NTAN1: variants seen among roughly 807,000 people sequenced by gnomAD.
NTAN1 encodes protein N-terminal asparagine amidohydrolase.
A neutral mutation model predicts 41.9 loss-of-function variants in NTAN1; 32 were observed. The ratio of observed to expected loss-of-function variants is 0.76; its 90% CI spans 0.58 to 1.03. The LOEUF (loss-of-function observed/expected upper bound fraction) is 1.03, where lower values mean the gene tolerates loss of function less well. Among genes scored for constraint, NTAN1 ranks in the 50% least tolerant of loss-of-function variants. The pLI is 0.00. For synonymous variants in NTAN1, 140 were observed against 139.5 expected, an observed-to-expected ratio of 1.00 and a Z score of -0.03; for missense variants, 377 against 377.5, an observed-to-expected ratio of 1.00 and a Z score of 0.01.
chr16:15,039,853 G>C, intron 8 of NTAN1, 116 bp downstream of exon 8: 1 of 678,186 alleles, frequency 1.5e-6, no homozygotes, highest in South Asian at 1.7e-5. Context: ...CCCTGATAAT[G>C]TACGGCTATA....
At chr16:15,041,285 CAG>C (rs2043803742) in intron 6 of NTAN1, among the ~76,000 whole-genome samples, 164 bp from the exon 7 acceptor site, 1 of 152,098 alleles carries the variant, frequency 6.6e-6, no homozygotes, top group South Asian at 2.1e-4. Context: ...TGTCCCAAGG[CAG>C]GGGGGTTTAT....
At chr16:15,039,552 TAATTA>T (rs778881445) in intron 8 of NTAN1, among the ~76,000 whole-genome samples, 6 of 152,218 alleles carry the variant, frequency 3.9e-5, no homozygotes, top group South Asian at 2.1e-4. Flanking sequence ...TATTTTGGGT[TAATTA>T]AATTGTTCCA....
intron 6 of NTAN1, among the ~76,000 whole-genome samples, 162 bp from the exon 7 acceptor site, chr16:15,041,283 G>A (rs964248546): frequency 6.6e-6 from 1 of 152,116 alleles, no homozygotes; most frequent in Non-Finnish European, 1.5e-5. Context: ...CCTGTCCCAA[G>A]GCAGGGGGGT....
intron 9 of NTAN1, 52 bp downstream of exon 9, chr16:15,038,522 G>GAAAA (rs2043651454): frequency 2.0e-6 from 2 of 1,022,078 alleles, no homozygotes; most frequent in Non-Finnish European, 3.0e-6. Context: ...TCTTACAGAT[G>GAAAA]GGGAAACCAG....
rs1213487076 is a variant in NTAN1, at chr16:15,055,992, C to A, written c.-21G>T. Reference sequence around the variant, plus strand: ...GGCATCGCGGAGGCGGCCGCCCAGGCAGGCCCAGGGAGGCGGCGGCCCCCC... The same window carrying A: ...GGCATCGCGGAGGCGGCCGCCCAGGAAGGCCCAGGGAGGCGGCGGCCCCCC... On this transcript the variant is annotated 5_prime_UTR_variant, in exon 1 of 10. Transcript: ENST00000287706. The A allele has an allele frequency of 1.1e-5, 13 of 1,203,094 alleles. No individual in the cohort carries two copies. Among genetic ancestry groups the A allele is most frequent in the East Asian group, 1.0e-4 (3 of 29,764 alleles). The allele number at this position is 1,203,094 out of a possible 1,614,324, so 74.5% of individuals were successfully genotyped here.
chr16:15,043,531 G>A (rs2043918543), intron 5 of NTAN1, among the ~76,000 whole-genome samples: 1 of 152,222 alleles, frequency 6.6e-6, no homozygotes, highest in African/African-American at 2.4e-5. Flanking sequence ...GGCAGAGTGA[G>A]GCCTTCAGTC....
chr16:15,046,562 C>A (rs1480373947), intron 4 of NTAN1, among the ~76,000 whole-genome samples: 6 of 152,092 alleles, frequency 3.9e-5, no homozygotes, highest in African/African-American at 1.4e-4. Context: ...AGGCTAGAGG[C>A]CGCTTCTTAT....
At position 15,038,219 on chromosome 16, in the gene NTAN1, AC is replaced by A; in HGVS notation, c.754-10del. 1 of 1,610,658 alleles carries A rather than the reference AC, an allele frequency of 6.2e-7. No individual in the cohort carries two copies. Among genetic ancestry groups the A allele is most frequent in the Non-Finnish European group, 8.5e-7 (1 of 1,178,008 alleles). On this transcript the variant is annotated splice_polypyrimidine_tract_variant and intron_variant, in intron 9 of 9. Coordinates refer to ENST00000287706, the MANE Select transcript of NTAN1 (RefSeq NM_173474.4). ...GGCGAAGTGGAAAGATTCTGAAAAC[AC>A]AAGATGGTGGGCATTAGAGAAGCCA...
At chr16:15,042,947 C>T (rs1323027409) in intron 5 of NTAN1, among the ~76,000 whole-genome samples, 2 of 145,898 alleles carry the variant, frequency 1.4e-5, no homozygotes, top group South Asian at 2.1e-4. Context: ...GATGCCCATG[C>T]TGGAGTGCAA....
intron 8 of NTAN1, among the ~76,000 whole-genome samples, chr16:15,039,193 T>G (rs1303790268): frequency 1.3e-5 from 2 of 152,222 alleles, no homozygotes; most frequent in Non-Finnish European, 2.9e-5. Context: ...CAGCCTCAGC[T>G]TACCTAGCAA....
Position 15,038,153 on chromosome 16 carries a change from TAGATCTAATATGTTCAACAAA to T in NTAN1, c.790_810del (p.Phe264_Ser270del). On this transcript the variant is annotated inframe_deletion, in exon 10 of 10. Coordinates refer to ENST00000287706, the MANE Select transcript of NTAN1 (RefSeq NM_173474.4). The stretch of plus-strand genomic sequence containing the variant: ...GGGTGTTTTTTTAAAAACATCAAGG[TAGATCTAATATGTTCAACAAA>T]GTGGGGTGGCTCAGCCAGAGGCGAA... 1 of 1,613,150 alleles carries T rather than the reference TAGATCTAATATGTTCAACAAA, an allele frequency of 6.2e-7. No homozygotes were observed. Among genetic ancestry groups the T allele is most frequent in the Non-Finnish European group, 8.5e-7 (1 of 1,179,246 alleles).
At position 15,044,758 on chromosome 16, in the gene NTAN1, C is replaced by T. The variant is rs112651440; in HGVS notation, c.360-351G>A. 725 of 244,484 alleles carry T rather than the reference C, an allele frequency of 3.0e-3. 8 individuals carry two copies. Among genetic ancestry groups the T allele is most frequent in the African/African-American group, 0.014 (629 of 44,632 alleles). The allele number at this position is 244,484 out of a possible 1,614,324, so 15.1% of individuals were successfully genotyped here. On this transcript the variant is annotated intron_variant, in intron 4 of 9. Transcript: ENST00000287706. ...TAGCACTTTGGGAGGCTGAGGTGGG[C>T]GGATCACTTGAGGTTAGGAGTCTTG...
Position 15,044,412 on chromosome 16 carries a change from CAA to C in NTAN1, c.360-7_360-6del. 1 of 1,609,942 alleles carries C rather than the reference CAA, an allele frequency of 6.2e-7. No individual in the cohort carries two copies. ...CCAACAAGGTGTACTTCCAGCCTGG[CAA>C]AGAGATGAGACGGGTCAGAGGCCAG... On this transcript the variant is annotated splice_polypyrimidine_tract_variant and splice_region_variant and intron_variant, in intron 4 of 9. Coordinates refer to ENST00000287706, the MANE Select transcript of NTAN1 (RefSeq NM_173474.4).
In NTAN1 at chr16:15,040,125, C is replaced by G. The variant is rs1469663344; in HGVS notation, c.542-59G>C. 9.6e-6 allele frequency: 9 copies of G among 935,398 alleles called. No homozygotes were observed. The South Asian group carries it at 1.2e-4, about 13-fold the overall frequency. 57.9% of individuals were successfully genotyped at this position (935,398 alleles called of 1,614,324 possible). Reference sequence around the variant, plus strand: ...AAAAGACCAAAGCGGAAAGTCTGCACAGTCTTACATTTCTACCACCACTCC... The same window carrying G: ...AAAAGACCAAAGCGGAAAGTCTGCAGAGTCTTACATTTCTACCACCACTCC... On this transcript the variant is annotated intron_variant, in intron 7 of 9. Coordinates refer to ENST00000287706, the MANE Select transcript of NTAN1 (RefSeq NM_173474.4).
chr16:15,043,274 G>A (rs1016637994), intron 5 of NTAN1, among the ~76,000 whole-genome samples: 3 of 152,200 alleles, frequency 2.0e-5, no homozygotes, highest in African/African-American at 7.2e-5. Flanking sequence ...GACCTTAGGT[G>A]ATCCACCTGC....
chr16:15,044,650 T>C, intron 4 of NTAN1: 1 of 557,944 alleles, frequency 1.8e-6, no homozygotes, highest in African/African-American at 1.9e-5. Flanking sequence ...ACAAATGTGA[T>C]GCCGCCTCCA....
chr16:15,040,473 TG>T (rs2043764144), intron 7 of NTAN1: 1 of 185,894 alleles, frequency 5.4e-6, no homozygotes, highest in South Asian at 1.5e-4. Flanking sequence ...AATAGAACAG[TG>T]AACACTGTGT....
intron 5 of NTAN1, among the ~76,000 whole-genome samples, chr16:15,043,472 G>A (rs777941373): frequency 6.6e-6 from 1 of 152,218 alleles, no homozygotes; most frequent in Non-Finnish European, 1.5e-5. Flanking sequence ...AGCCCAGTAG[G>A]TTGAGGCTGC....
chr16:15,047,787 G>A, intron 3 of NTAN1, 68 bp downstream of exon 3: 1 of 1,331,128 alleles, frequency 7.5e-7, no homozygotes, highest in Non-Finnish European at 1.1e-6. Context: ...AACTCAACAC[G>A]AGAAATTCAA....
Sources: gnomAD v4.1 joint callset for allele counts (sites outside exome capture counted in the v4.1 genomes callset) on GRCh38, gnomAD v4.1.1 for gene constraint, MANE v1.5 for transcripts, NCBI Gene and HGNC (gene_info 2026-07-23, HGNC 2026-07-21) for gene names.